Variants in ACADSB observed in about 807,000 individuals in gnomAD.
ACADSB encodes the protein short/branched chain specific acyl-CoA dehydrogenase, mitochondrial.
ACADSB carries 40 observed loss-of-function variants against 54.1 expected under a neutral mutation model. The ratio of observed to expected loss-of-function variants is 0.74; its 90% CI spans 0.57 to 0.96. The LOEUF (loss-of-function observed/expected upper bound fraction) is 0.96. Among genes scored for constraint, ACADSB ranks in the 40% least tolerant of loss-of-function variants. ACADSB has a pLI of 0.00. For missense variants in ACADSB, 530 were observed against 510.4 expected, an observed-to-expected ratio of 1.04 and a Z score of -0.37; for synonymous variants, 182 against 182.8, an observed-to-expected ratio of 1.00 and a Z score of 0.03.
chr10:123,040,985 T>G (rs1179910792), intron 4 of ACADSB, among the ~76,000 whole-genome samples: 1 of 152,222 alleles, frequency 6.6e-6, no homozygotes, highest in Non-Finnish European at 1.5e-5. Flanking sequence ...TCAAATCAAT[T>G]TCAATGAGTA....
intron 1 of ACADSB, among the ~76,000 whole-genome samples, chr10:123,009,623 C>T (rs993709104): frequency 5.9e-5 from 9 of 152,210 alleles, no homozygotes; most frequent in African/African-American, 2.2e-4. Context: ...TTCCCTCTGC[C>T]CCTTATCTCA....
At chr10:123,031,507 C>T (rs1850326783) in intron 1 of ACADSB, among the ~76,000 whole-genome samples, 1 of 152,072 alleles carries the variant, frequency 6.6e-6, no homozygotes. Flanking sequence ...GGAGAGGACA[C>T]CAAAGCTGCA....
rs886046783 is a variant in ACADSB, at chr10:123,053,822, G to T, written c.*57G>T. ...CACTGCTGTAAAATTTTAAACGGTT[G>T]TGTCTTGTTGGGAGTAAGTGCCTTG... On this transcript the variant is annotated 3_prime_UTR_variant, in exon 11 of 11. Coordinates refer to ENST00000358776, the MANE Select transcript of ACADSB (RefSeq NM_001609.4). The T allele has an allele frequency of 2.0e-6, 3 of 1,488,240 alleles. No homozygotes were observed. The highest frequency in any genetic ancestry group is 2.8e-6 in the Non-Finnish European group (3 of 1,065,794). The allele number at this position is 1,488,240 out of a possible 1,614,324, so 92.2% of individuals were successfully genotyped here. A position where few individuals can be genotyped will look rare whatever the true frequency, so the allele number is the denominator to read the frequency against.
chr10:123,044,914 T>C (rs970660182), intron 7 of ACADSB, among the ~76,000 whole-genome samples: 6 of 151,976 alleles, frequency 3.9e-5, no homozygotes, highest in Admixed American at 3.9e-4. Context: ...GCTTACTGTT[T>C]TGCATGTGAA....
rs1349388326 is a variant in ACADSB at position 123,053,981 on chromosome 10, A to T, written c.*216A>T. The T allele has an allele frequency of 1.7e-6, 1 of 604,912 alleles. No individual in the cohort carries two copies. The highest frequency in any genetic ancestry group is 2.9e-5 in the Admixed American group (1 of 34,188). 37.5% of individuals were successfully genotyped at this position (604,912 alleles called of 1,614,324 possible). The stretch of plus-strand genomic sequence containing the variant: ...AGGAGATCCACTTTTAAACTTGGGA[A>T]ATAAGCACCTGTATTTTTTTCCAAA... On this transcript the variant is annotated 3_prime_UTR_variant, in exon 11 of 11. Transcript: ENST00000358776.
In ACADSB at chr10:123,052,802, AATG is replaced by A. The variant is rs747086607; in HGVS notation, c.1129-256_1129-254del. The stretch of plus-strand genomic sequence containing the variant: ...GCCCCCAGTAAACATTTCCTGAATA[AATG>A]ATATCTCTCAGCATGCAGATTCATG... On this transcript the variant is annotated intron_variant, in intron 9 of 10. Coordinates refer to ENST00000358776, the MANE Select transcript of ACADSB (RefSeq NM_001609.4). The surrounding 1 kb of genome is among the most constrained non-coding windows in gnomAD (Gnocchi z 4.2). 1.7e-4 allele frequency: 81 copies of A among 479,932 alleles called. No individual in the cohort carries two copies. The highest frequency in any genetic ancestry group is 2.5e-4 in the Admixed American group (8 of 31,468). The allele number at this position is 479,932 out of a possible 1,614,324, so 29.7% of individuals were successfully genotyped here. A position where few individuals can be genotyped will look rare whatever the true frequency, so the allele number is the denominator to read the frequency against.
rs1850648229 is a variant in ACADSB, at chr10:123,052,731, G to A, written c.1129-330G>A. 1 of 323,610 alleles carries A rather than the reference G, an allele frequency of 3.1e-6. No homozygotes were observed. The highest frequency in any genetic ancestry group is 5.9e-6 in the Non-Finnish European group (1 of 168,300). 20.0% of individuals were successfully genotyped at this position (323,610 alleles called of 1,614,324 possible). On this transcript the variant is annotated intron_variant, in intron 9 of 10. Coordinates refer to ENST00000358776, the MANE Select transcript of ACADSB (RefSeq NM_001609.4). The surrounding 1 kb of genome is among the most constrained non-coding windows in gnomAD (Gnocchi z 4.2). The stretch of plus-strand genomic sequence containing the variant: ...GCTCATTCTCCCCTTGGAGGATTTC[G>A]ACGTGTTGGTCCTCAGCTTGAAATG...
intron 1 of ACADSB, among the ~76,000 whole-genome samples, chr10:123,027,988 A>T (rs1343472579): frequency 6.6e-6 from 1 of 152,126 alleles, no homozygotes; most frequent in Non-Finnish European, 1.5e-5. Context: ...TCCTGCCATA[A>T]AGTGTCCACT....
rs1179026673 is a variant in ACADSB, at chr10:123,057,317, AAATT to A, written c.*3558_*3561del. The A allele has an allele frequency of 3.9e-5, 6 of 152,360 alleles. No homozygotes were observed. In the East Asian group the frequency reaches 5.8e-4, roughly 15 times the overall value. The allele number at this position is 152,360 out of a possible 1,614,324, so 9.4% of individuals were successfully genotyped here. The stretch of plus-strand genomic sequence containing the variant: ...TGTGCATATTCACCAATAACAGTTA[AAATT>A]AATTATGTGTTATAGTTAATATATG... On this transcript the variant is annotated 3_prime_UTR_variant, in exon 11 of 11. Coordinates refer to ENST00000358776, the MANE Select transcript of ACADSB (RefSeq NM_001609.4).
chr10:123,035,573 G>T lies in ACADSB; in HGVS notation c.202+1058G>T, dbSNP rs567691034. Among the ~76,000 whole-genome samples the T allele has an allele frequency of 1.4e-4, 22 of 152,270 alleles. No homozygotes were observed. In the South Asian group the frequency reaches 4.1e-3, roughly 29 times the overall value. On this transcript the variant is annotated intron_variant, in intron 2 of 10. Transcript: ENST00000358776. ...GGTGTAGTGGCTCACAGTTCTGTAG[G>T]CCAGAAGTCCAGCTGGAGCAAGTCC...
rs751722805 is a variant in ACADSB, at chr10:123,034,408, T to A, written c.95T>A (p.Val32Asp). ...CLSSWKIPPH[V>D]SKSSQSEALL... is the part of the protein sequence containing the mutation. ...TCTTCTTGGAAGATTCCTCCTCATG[T>A]CTCAAAATCTTCCCAGTCAGAAGCT... The change falls in exon 2 of 11, where the codon GTC becomes GAC. Residue 32 changes from valine to aspartate, a missense_variant. Transcript: ENST00000358776. The A allele has an allele frequency of 1.6e-5, 26 of 1,613,654 alleles. No individual in the cohort carries two copies. The highest frequency in any genetic ancestry group is 1.6e-4 in the Middle Eastern group (1 of 6,084).
intron 8 of ACADSB, among the ~76,000 whole-genome samples, chr10:123,048,759 C>T (rs533471842): frequency 4.1e-4 from 62 of 152,108 alleles, no homozygotes; most frequent in African/African-American, 1.1e-3. Context: ...GACAGAGTCT[C>T]GCTCTGTCAC....
intron 1 of ACADSB, among the ~76,000 whole-genome samples, chr10:123,012,202 C>A (rs1260624318): frequency 3.9e-5 from 6 of 152,224 alleles, no homozygotes; most frequent in African/African-American, 1.4e-4. Flanking sequence ...TCAGTTAATT[C>A]TCTGGACATC....
At chr10:123,020,680 C>T (rs972976560) in intron 1 of ACADSB, among the ~76,000 whole-genome samples, 2 of 152,216 alleles carry the variant, frequency 1.3e-5, no homozygotes, top group African/African-American at 4.8e-5. Flanking sequence ...TACCATTTTA[C>T]ATTCTCAAAA....
At chr10:123,039,013 C>G (rs1313410355) in intron 3 of ACADSB, among the ~76,000 whole-genome samples, 2 of 152,200 alleles carry the variant, frequency 1.3e-5, no homozygotes, top group African/African-American at 2.4e-5. Flanking sequence ...TTGCCTGCAC[C>G]CTGCTACTCA....
chr10:123,018,106 C>T (rs1029495763), intron 1 of ACADSB, among the ~76,000 whole-genome samples: 1 of 152,156 alleles, frequency 6.6e-6, no homozygotes, highest in Admixed American at 6.5e-5. Flanking sequence ...AATTTTAAGA[C>T]CCCTGGCTAG....
At position 123,040,360 on chromosome 10, in the gene ACADSB, AAT is replaced by A. The variant is rs1293163084; in HGVS notation, c.304-104_304-103del. The A allele has an allele frequency of 1.4e-4, 122 of 868,900 alleles. No homozygotes were observed. The African/African-American group carries it at 1.7e-3, about 12-fold the overall frequency. The allele number at this position is 868,900 out of a possible 1,614,324, so 53.8% of individuals were successfully genotyped here. ...AGCAAGACTGTCTCAAAAAAAAAAT[AAT>A]AATAATAAATATGGTTACAGTTTAT... On this transcript the variant is annotated intron_variant, in intron 3 of 10. Coordinates refer to ENST00000358776, the MANE Select transcript of ACADSB (RefSeq NM_001609.4).
At chr10:123,036,674 T>C (rs1850403123) in intron 2 of ACADSB, among the ~76,000 whole-genome samples, 1 of 152,220 alleles carries the variant, frequency 6.6e-6, no homozygotes, top group Admixed American at 6.5e-5. Flanking sequence ...AATAACATGG[T>C]AAATGTCATG....
At chr10:123,045,172 T>TATATATATA (rs1491569179) in intron 7 of ACADSB, among the ~76,000 whole-genome samples, 3 of 12,484 alleles carry the variant, frequency 2.4e-4, no homozygotes, top group Non-Finnish European at 3.7e-4. Flanking sequence ...TATATATATA[T>TATATATATA]TTTTTTTTTT....
Sources: allele counts gnomAD v4.1 joint callset (sites outside exome capture counted in the v4.1 genomes callset), GRCh38; gene constraint gnomAD v4.1.1; non-coding constraint Gnocchi (gnomAD v3.1); transcripts MANE v1.5; gene names NCBI Gene and HGNC (gene_info 2026-07-23, HGNC 2026-07-21).